Variants in IDNK observed in about 807,000 individuals in gnomAD.
IDNK encodes IDNK gluconokinase, also known as gluconokinase.
In IDNK, 9 loss-of-function variants were observed where a neutral mutation model predicts 13.0. That is an observed-to-expected ratio of 0.69 (90% CI 0.42 to 1.21). IDNK has a LOEUF of 1.21. Ranked by LOEUF, IDNK falls within the 50% of genes most tolerant of loss-of-function variation. The pLI is 0.00. For synonymous variants in IDNK, 92 were observed against 94.9 expected (o/e 0.97, Z 0.18); for missense variants, 210 against 237.8 (o/e 0.88, Z 0.77).
At chr9:83,627,579 A>G (rs1830888775) in intron 1 of IDNK, among the ~76,000 whole-genome samples, 1 of 152,172 alleles carries the variant, frequency 6.6e-6, no homozygotes, top group Non-Finnish European at 1.5e-5. Flanking sequence ...TCACTAGCAC[A>G]TGCTGCCTGG....
chr9:83,635,287 ACTGTCACGTGGC>A, intron 3 of IDNK, among the ~76,000 whole-genome samples: 1 of 152,322 alleles, frequency 6.6e-6, no homozygotes, highest in Middle Eastern at 3.4e-3. Flanking sequence ...AAGAAATACA[ACTGTCACGTGGC>A]CTGTAACAAT....
intron 3 of IDNK, among the ~76,000 whole-genome samples, chr9:83,633,665 C>T (rs908704701): frequency 2.6e-5 from 4 of 152,136 alleles, no homozygotes; most frequent in African/African-American, 9.7e-5. Flanking sequence ...TAGTTTATTC[C>T]TTTTCTTATT....
At chr9:83,628,736 T>G in intron 2 of IDNK, 137 bp from the exon 3 acceptor site, 2 of 667,888 alleles carry the variant, frequency 3.0e-6, no homozygotes, top group Non-Finnish European at 5.5e-6. Context: ...GGTGCTTCCC[T>G]CCTGGGGGTT....
chr9:83,629,505 C>T (rs1830954697), intron 3 of IDNK, among the ~76,000 whole-genome samples: 2 of 152,226 alleles, frequency 1.3e-5, no homozygotes, highest in Admixed American at 6.5e-5. Context: ...CATGCGCCTC[C>T]ATATCTCCAC....
At chr9:83,643,404 CTTT>C in intron 4 of IDNK, 22 bp from the exon 5 acceptor site, 1 of 1,362,724 alleles carries the variant, frequency 7.3e-7, no homozygotes, top group Admixed American at 2.2e-5. Context: ...TAGCCTCCCT[CTTT>C]TTTTTTTCTT....
intron 3 of IDNK, among the ~76,000 whole-genome samples, chr9:83,631,772 G>C (rs1225376179): frequency 6.6e-6 from 1 of 152,112 alleles, no homozygotes; most frequent in Non-Finnish European, 1.5e-5. Flanking sequence ...GTGTTGGACA[G>C]TGCCAGTCTA....
chr9:83,638,156 A>G (rs1481132234), intron 3 of IDNK, among the ~76,000 whole-genome samples: 31 of 152,198 alleles, frequency 2.0e-4, no homozygotes, highest in African/African-American at 6.3e-4. Context: ...ACTATAAACT[A>G]TATGGGAAAA....
intron 4 of IDNK, among the ~76,000 whole-genome samples, chr9:83,642,172 C>T (rs1831329442): frequency 6.6e-6 from 1 of 152,126 alleles, no homozygotes; most frequent in South Asian, 2.1e-4. Context: ...CCCAACAGCA[C>T]CCATGACCCC....
chr9:83,638,018 C>T (rs1238658812), intron 3 of IDNK, among the ~76,000 whole-genome samples: 1 of 152,020 alleles, frequency 6.6e-6, no homozygotes, highest in East Asian at 1.9e-4. Flanking sequence ...AAAGAGGCAC[C>T]AAGCTTATAA....
intron 3 of IDNK, among the ~76,000 whole-genome samples, chr9:83,640,136 T>A (rs1364116653): frequency 6.6e-6 from 1 of 152,142 alleles, no homozygotes; most frequent in Non-Finnish European, 1.5e-5. Flanking sequence ...AAAACCTGAA[T>A]ACAATACAAT....
At chr9:83,629,888 T>C (rs1439630418) in intron 3 of IDNK, among the ~76,000 whole-genome samples, 1 of 152,358 alleles carries the variant, frequency 6.6e-6, no homozygotes, top group African/African-American at 2.4e-5. Flanking sequence ...AATGGATGAA[T>C]AGCACTCTCC....
intron 3 of IDNK, among the ~76,000 whole-genome samples, chr9:83,638,684 T>C (rs1831224539): frequency 6.6e-6 from 1 of 152,126 alleles, no homozygotes; most frequent in Non-Finnish European, 1.5e-5. Context: ...GATTGACTAA[T>C]ACACTAAAAG....
intron 1 of IDNK, chr9:83,627,878 ATTACAC>A (rs1564144749): frequency 3.4e-5 from 3 of 87,270 alleles, no homozygotes; most frequent in African/African-American, 7.0e-5. Flanking sequence ...AAAAAAAAAA[ATTACAC>A]AACAGGGACC....
At chr9:83,623,095 G>T, upstream of IDNK, 1 of 1,225,340 alleles carries the variant, frequency 8.2e-7, no homozygotes, top group South Asian at 1.9e-5. Context: ...GGGCGAGAGC[G>T]GCTCCGCCCC....
Position 83,628,156 on chromosome 9 carries a change from G to A in IDNK, c.51-25G>A, listed in dbSNP as rs183568253. 84 of 1,550,420 alleles carry A rather than the reference G, an allele frequency of 5.4e-5. No individual in the cohort carries two copies. In the Middle Eastern group the frequency reaches 8.3e-4, roughly 15 times the overall value. On this transcript the variant is annotated intron_variant, in intron 1 of 4. Transcript: ENST00000376419. Reference sequence around the variant, plus strand: ...TCCACACATTGGGCAGGGCAGTAACGGGAACATCTGTGTCCTCTCCACAGA... The same window carrying A: ...TCCACACATTGGGCAGGGCAGTAACAGGAACATCTGTGTCCTCTCCACAGA...
At chr9:83,630,198 C>T (rs976345755) in intron 3 of IDNK, among the ~76,000 whole-genome samples, 6 of 152,216 alleles carry the variant, frequency 3.9e-5, no homozygotes, top group African/African-American at 1.4e-4. Flanking sequence ...CAAGAGTGCA[C>T]TTCTCTTTGT....
At chr9:83,631,075 C>T (rs1830997238) in intron 3 of IDNK, among the ~76,000 whole-genome samples, 1 of 152,148 alleles carries the variant, frequency 6.6e-6, no homozygotes, top group Non-Finnish European at 1.5e-5. Flanking sequence ...ATATGGGTCA[C>T]AGCTGGGCTG....
At chr9:83,643,393 T>A in intron 4 of IDNK, 36 bp from the exon 5 acceptor site, 3 of 1,524,786 alleles carry the variant, frequency 2.0e-6, no homozygotes, top group Non-Finnish European at 2.7e-6. Flanking sequence ...TCCTCCTTCT[T>A]TAGCCTCCCT....
chr9:83,628,347 C>T, intron 2 of IDNK, 136 bp downstream of exon 2: 2 of 776,360 alleles, frequency 2.6e-6, no homozygotes, highest in African/African-American at 1.7e-5. Context: ...TTGTTTTTCT[C>T]CTTGGTGATT....
Sources: allele counts gnomAD v4.1 joint callset (sites outside exome capture counted in the v4.1 genomes callset), GRCh38; gene constraint gnomAD v4.1.1; transcripts MANE v1.5; gene names NCBI Gene and HGNC (gene_info 2026-07-23, HGNC 2026-07-21).